Variants in EYA4 observed in about 807,000 individuals in gnomAD.
EYA4 encodes EYA transcriptional coactivator and phosphatase 4.
In EYA4, 31 loss-of-function variants were observed where a neutral mutation model predicts 87.9. That is an observed-to-expected ratio of 0.35 (90% confidence interval 0.27 to 0.48). The LOEUF is 0.48. Ranked by LOEUF, EYA4 falls within the 20% of genes least tolerant of loss-of-function variation. The pLI is 0.99. For synonymous variants in EYA4, 263 were observed against 270.6 expected, an observed-to-expected ratio of 0.97 and a Z score of 0.28; for missense variants, 678 against 761.4, an observed-to-expected ratio of 0.89 and a Z score of 1.29.
At chr6:133,380,205 A>G (rs1397816606) in intron 2 of EYA4, among the ~76,000 whole-genome samples, 1 of 152,150 alleles carries the variant, frequency 6.6e-6, no homozygotes, top group Non-Finnish European at 1.5e-5. Context: ...TGAAACCTCT[A>G]AAAATAACCA....
chr6:133,455,129 G>A, intron 5 of EYA4, among the ~76,000 whole-genome samples: 1 of 152,142 alleles, frequency 6.6e-6, no homozygotes, highest in South Asian at 2.1e-4. Flanking sequence ...TAGTTTTATA[G>A]TAGTAAATAT....
At chr6:133,330,232 T>C (rs939026823) in intron 2 of EYA4, among the ~76,000 whole-genome samples, 2 of 152,042 alleles carry the variant, frequency 1.3e-5, no homozygotes, top group Non-Finnish European at 2.9e-5. Flanking sequence ...AATTCATACA[T>C]TGGGTAGAAG....
rs144038745 is a variant in EYA4 at position 133,295,050 on chromosome 6, G to A, written c.33+20237G>A. On this transcript the variant is annotated intron_variant, in intron 2 of 19. Coordinates refer to ENST00000355286, the MANE Select transcript of EYA4 (RefSeq NM_004100.5). ...ATAAACATTTATATCACACAAGATA[G>A]TGTTATACTAAATATATTTAAATGT... Among the ~76,000 whole-genome samples, 46 of 152,270 alleles carry A rather than the reference G, an allele frequency of 3.0e-4. No individual in the cohort carries two copies. The East Asian group carries it at 8.3e-3, about 27-fold the overall frequency.
intron 3 of EYA4, among the ~76,000 whole-genome samples, chr6:133,415,141 C>T (rs1050087005): frequency 1.3e-5 from 2 of 152,172 alleles, no homozygotes; most frequent in African/African-American, 4.8e-5. Flanking sequence ...TCAAACCTGC[C>T]TCCTTTCTCA....
intron 2 of EYA4, among the ~76,000 whole-genome samples, chr6:133,331,649 A>T (rs1011755976): frequency 1.3e-5 from 2 of 152,204 alleles, no homozygotes; most frequent in Non-Finnish European, 2.9e-5. Flanking sequence ...AGCCATGCTG[A>T]GTCCTCACAA....
intron 2 of EYA4, among the ~76,000 whole-genome samples, chr6:133,356,224 G>A (rs1784020964): frequency 6.6e-6 from 1 of 152,070 alleles, no homozygotes; most frequent in Non-Finnish European, 1.5e-5. Context: ...TTGGAAGTTA[G>A]GGCTTCAACA....
chr6:133,523,104 A>T lies in EYA4; in HGVS notation c.1665A>T (p.Ala555=), dbSNP rs1583560997. ...TAACGACAACTCAACTGATCCCAGC[A>T]CTTGCGAAGGTTCTACTCTATAGTT... ...VLVTTTQLIP[A]LAKVLLYSLG... The change falls in exon 18 of 20, where the codon GCA becomes GCT. Residue 555 remains alanine (A), a synonymous_variant. Transcript: ENST00000355286. 1 of 1,612,544 alleles carries T rather than the reference A, an allele frequency of 6.2e-7. No individual in the cohort carries two copies. Among genetic ancestry groups the T allele is most frequent in the Non-Finnish European group, 8.5e-7 (1 of 1,178,770 alleles).
chr6:133,281,695 G>A (rs1294745361), intron 2 of EYA4, among the ~76,000 whole-genome samples: 3 of 151,984 alleles, frequency 2.0e-5, no homozygotes, highest in Admixed American at 6.6e-5. Context: ...CTGAGGTTTG[G>A]GGTATGATTG....
chr6:133,268,651 A>C (rs1314541112), intron 1 of EYA4, among the ~76,000 whole-genome samples: 1 of 152,212 alleles, frequency 6.6e-6, no homozygotes, highest in Non-Finnish European at 1.5e-5. Flanking sequence ...AACCTGAGCC[A>C]GAGTGGTCTT....
At position 133,302,946 on chromosome 6, in the gene EYA4, G is replaced by T. The variant is rs550130004; in HGVS notation, c.33+28133G>T. Among the ~76,000 whole-genome samples the T allele has an allele frequency of 1.1e-4, 17 of 152,230 alleles. No individual in the cohort carries two copies. The South Asian group carries it at 3.5e-3, about 32-fold the overall frequency. ...AAAGTAAATATTTCAGGCTTCACGGGCCATGCAGTCTCAGTTGCAGCTGCT... is the reference window on the plus strand; with the variant it reads ...AAAGTAAATATTTCAGGCTTCACGGTCCATGCAGTCTCAGTTGCAGCTGCT... On this transcript the variant is annotated intron_variant, in intron 2 of 19. Coordinates refer to ENST00000355286, the MANE Select transcript of EYA4 (RefSeq NM_004100.5).
At chr6:133,343,434 C>G (rs1424389734) in intron 2 of EYA4, among the ~76,000 whole-genome samples, 1 of 152,124 alleles carries the variant, frequency 6.6e-6, no homozygotes, top group Non-Finnish European at 1.5e-5. Flanking sequence ...TGATCTGATG[C>G]TTGAACTCAG....
intron 5 of EYA4, among the ~76,000 whole-genome samples, chr6:133,450,141 A>G (rs544445885): frequency 6.6e-6 from 1 of 152,054 alleles, no homozygotes; most frequent in South Asian, 2.1e-4. Context: ...ACCCGCCACG[A>G]CACCCAGCTA....
chr6:133,444,895 G>GGTTGTAT (rs1792659748), intron 3 of EYA4, among the ~76,000 whole-genome samples: 7 of 152,160 alleles, frequency 4.6e-5, no homozygotes, highest in Non-Finnish European at 7.3e-5. Context: ...AATCTAACCT[G>GGTTGTAT]ACCATAGTCA....
At chr6:133,374,346 C>A (rs1224123500) in intron 2 of EYA4, among the ~76,000 whole-genome samples, 2 of 151,954 alleles carry the variant, frequency 1.3e-5, no homozygotes, top group Non-Finnish European at 2.9e-5. Context: ...AACCTCCCTC[C>A]CCCAAACCAG....
At chr6:133,520,099 A>G (rs1229016616) in intron 17 of EYA4, among the ~76,000 whole-genome samples, 23 of 151,442 alleles carry the variant, frequency 1.5e-4, no homozygotes, top group African/African-American at 4.8e-4. Context: ...CTCTCTCACC[A>G]CTCCTATTCA....
chr6:133,259,234 C>T (rs1268511485), intron 1 of EYA4, among the ~76,000 whole-genome samples: 6 of 152,044 alleles, frequency 3.9e-5, no homozygotes, highest in Non-Finnish European at 7.4e-5. Context: ...TAACCAGGGG[C>T]ACCGTACTTA....
chr6:133,479,544 A>ATAAC (rs1238086793), intron 11 of EYA4, among the ~76,000 whole-genome samples: 1 of 152,134 alleles, frequency 6.6e-6, no homozygotes, highest in African/African-American at 2.4e-5. Flanking sequence ...ATTTAGATTA[A>ATAAC]TAACTGCTTG....
intron 13 of EYA4, among the ~76,000 whole-genome samples, chr6:133,487,043 C>T (rs1796744395): frequency 6.6e-6 from 1 of 152,174 alleles, no homozygotes; most frequent in Non-Finnish European, 1.5e-5. Context: ...AGTCTTCCAG[C>T]AGCAGCTGAA....
intron 2 of EYA4, among the ~76,000 whole-genome samples, chr6:133,338,714 T>C (rs565927246): frequency 6.6e-6 from 1 of 152,236 alleles, no homozygotes; most frequent in East Asian, 1.9e-4. Flanking sequence ...GCAGCCCCAG[T>C]TGGTGGTGCT....
Sources: allele counts gnomAD v4.1 joint callset (sites outside exome capture counted in the v4.1 genomes callset), GRCh38; gene constraint gnomAD v4.1.1; transcripts MANE v1.5; gene names NCBI Gene and HGNC (gene_info 2026-07-23, HGNC 2026-07-21).